SPRED1: variants seen among roughly 807,000 people sequenced by gnomAD.
SPRED1 encodes the protein sprouty related EVH1 domain containing 1, also known as sprouty-related, EVH1 domain-containing protein 1.
SPRED1 carries 18 observed loss-of-function variants against 52.3 expected under a neutral mutation model. The observed-to-expected ratio is 0.34, with a 90% CI of 0.24 to 0.51. The LOEUF is 0.51. Ranked by LOEUF, SPRED1 falls within the 20% of genes least tolerant of loss-of-function variation. The probability of loss-of-function intolerance (pLI) is 0.97; values close to 1 mark genes in which losing one functional copy is unlikely to be tolerated. For missense variants in SPRED1, 485 were observed against 551.0 expected (o/e 0.88, Z 1.20); for synonymous variants, 155 against 179.7 (o/e 0.86, Z 1.10).
intron 1 of SPRED1, among the ~76,000 whole-genome samples, chr15:38,269,905 C>CTTTTTTTTT (rs10566946): frequency 1.1e-5 from 1 of 92,014 alleles, no homozygotes; most frequent in African/African-American, 3.8e-5. Flanking sequence ...TTCTTTCTTT[C>CTTTTTTTTT]TTTTTTTTTT....
chr15:38,351,505 G>C lies in SPRED1; in HGVS notation c.1176G>C (p.Ser392=). Residue 392 remains serine, a synonymous_variant, in exon 7 of 7, where the codon TCG becomes TCC. Transcript: ENST00000299084. ...AGGGAGATTTTTCTGATCCCTGTTC[G>C]TGTGACACTAGCGACGACAAGTTCT... ...DSEGDFSDPC[S]CDTSDDKFCL... 1 of 1,614,062 alleles carries C rather than the reference G, an allele frequency of 6.2e-7. No homozygotes were observed. Among genetic ancestry groups the C allele is most frequent in the Non-Finnish European group, 8.5e-7 (1 of 1,179,994 alleles).
intron 2 of SPRED1, among the ~76,000 whole-genome samples, chr15:38,318,864 G>C (rs1895543721): frequency 6.6e-6 from 1 of 152,060 alleles, no homozygotes; most frequent in Non-Finnish European, 1.5e-5. Flanking sequence ...TGGACACCTA[G>C]GTTGATTCCA....
At chr15:38,305,317 A>G (rs976018161) in intron 2 of SPRED1, among the ~76,000 whole-genome samples, 2 of 149,584 alleles carry the variant, frequency 1.3e-5, no homozygotes, top group Admixed American at 6.7e-5. Context: ...GGGTAACGAG[A>G]GTGAAACTGT....
chr15:38,332,144 A>T (rs961288724), intron 4 of SPRED1, among the ~76,000 whole-genome samples: 1 of 152,240 alleles, frequency 6.6e-6, no homozygotes, highest in African/African-American at 2.4e-5. Flanking sequence ...TATACATAGC[A>T]TGTAAACACA....
chr15:38,324,745 T>C lies in SPRED1; in HGVS notation c.377-18T>C. ...GACAAAAATTCTATACTTAATTAAC[T>C]TTTATCTATTTTCTTAGGATGCCCC... On this transcript the variant is annotated intron_variant, in intron 3 of 6. Coordinates refer to ENST00000299084, the MANE Select transcript of SPRED1 (RefSeq NM_152594.3). 1 of 1,588,288 alleles carries C rather than the reference T, an allele frequency of 6.3e-7. No individual in the cohort carries two copies. Among genetic ancestry groups the C allele is most frequent in the Non-Finnish European group, 8.6e-7 (1 of 1,165,384 alleles).
In SPRED1 at chr15:38,339,719, G is replaced by T; in HGVS notation, c.424-18G>T. ...TTTTTATTCTGGCAACTAATGCATT[G>T]AGGGTTGTTCCCAATAGGCAAATGA... On this transcript the variant is annotated intron_variant, in intron 4 of 6. Transcript: ENST00000299084. The T allele has an allele frequency of 6.2e-7, 1 of 1,612,248 alleles. No homozygotes were observed. Among genetic ancestry groups the T allele is most frequent in the East Asian group, 2.2e-5 (1 of 44,806 alleles).
intron 1 of SPRED1, among the ~76,000 whole-genome samples, chr15:38,264,575 A>G (rs1894267328): frequency 1.3e-5 from 2 of 152,144 alleles, no homozygotes; most frequent in Admixed American, 1.3e-4. Context: ...TTTTTTTAAA[A>G]AAGAGTGAAC....
chr15:38,296,939 C>A (rs751292406), intron 1 of SPRED1, among the ~76,000 whole-genome samples: 8 of 152,230 alleles, frequency 5.3e-5, no homozygotes, highest in Non-Finnish European at 1.2e-4. Context: ...ACTGAGGGTG[C>A]CCATCGCTTT....
intron 2 of SPRED1, among the ~76,000 whole-genome samples, chr15:38,310,509 G>C (rs1895345519): frequency 6.6e-6 from 1 of 152,100 alleles, no homozygotes; most frequent in Non-Finnish European, 1.5e-5. Context: ...GTTTTGATAG[G>C]AATTGTATTA....
chr15:38,303,553 A>AT (rs1895191423), intron 2 of SPRED1, among the ~76,000 whole-genome samples: 1 of 152,174 alleles, frequency 6.6e-6, no homozygotes, highest in Non-Finnish European at 1.5e-5. Context: ...ACAGCTTAAG[A>AT]TTTTTTAAGT....
chr15:38,312,290 A>G (rs1895385432), intron 2 of SPRED1, among the ~76,000 whole-genome samples: 1 of 152,158 alleles, frequency 6.6e-6, no homozygotes, highest in Admixed American at 6.5e-5. Flanking sequence ...TCTCCAAATT[A>G]TAGAAATCCA....
intron 1 of SPRED1, among the ~76,000 whole-genome samples, chr15:38,296,347 C>A (rs1008236557): frequency 1.3e-5 from 2 of 152,152 alleles, no homozygotes; most frequent in East Asian, 1.9e-4. Flanking sequence ...AATCAAATTA[C>A]AAATTTTGCC....
chr15:38,309,941 A>G (rs1895327489), intron 2 of SPRED1, among the ~76,000 whole-genome samples: 1 of 152,130 alleles, frequency 6.6e-6, no homozygotes. Context: ...CTATTTGTCC[A>G]TCCCTCCACC....
chr15:38,303,430 T>A (rs924067591), intron 2 of SPRED1, among the ~76,000 whole-genome samples: 1 of 152,316 alleles, frequency 6.6e-6, no homozygotes, highest in African/African-American at 2.4e-5. Context: ...AGGACACTTC[T>A]GTCTTACAAA....
At chr15:38,255,509 CTAT>C (rs1566845196) in intron 1 of SPRED1, among the ~76,000 whole-genome samples, 1 of 152,018 alleles carries the variant, frequency 6.6e-6, no homozygotes, top group Non-Finnish European at 1.5e-5. Context: ...TTAAAAAACT[CTAT>C]TATATTAGAA....
intron 1 of SPRED1, among the ~76,000 whole-genome samples, chr15:38,255,801 C>CT (rs61503405): frequency 0.21 from 31,459 of 151,940 alleles, 3,420 homozygotes; most frequent in Middle Eastern, 0.24. Flanking sequence ...TCCCTTTTCT[C>CT]TTTTTTAAAG....
At chr15:38,304,872 A>T (rs893036744) in intron 2 of SPRED1, among the ~76,000 whole-genome samples, 4 of 151,882 alleles carry the variant, frequency 2.6e-5, no homozygotes, top group Admixed American at 6.6e-5. Flanking sequence ...TGGCTTCAGT[A>T]TTTTTTTATT....
At chr15:38,346,583 C>T (rs371046246) in intron 5 of SPRED1, among the ~76,000 whole-genome samples, 1 of 152,152 alleles carries the variant, frequency 6.6e-6, no homozygotes, top group East Asian at 1.9e-4. Context: ...TAACTATTAC[C>T]TGGAATTGTA....
At chr15:38,256,985 G>GACTGC (rs1243070062) in intron 1 of SPRED1, among the ~76,000 whole-genome samples, 1 of 152,108 alleles carries the variant, frequency 6.6e-6, no homozygotes, top group African/African-American at 2.4e-5. Flanking sequence ...TCAGCTAAAT[G>GACTGC]ACTGCATACT....
Sources: gnomAD v4.1 joint callset for allele counts (sites outside exome capture counted in the v4.1 genomes callset) on GRCh38, gnomAD v4.1.1 for gene constraint, MANE v1.5 for transcripts, NCBI Gene and HGNC (gene_info 2026-07-23, HGNC 2026-07-21) for gene names.